Variants in DDAH1 observed in about 807,000 individuals in gnomAD.
The protein encoded by DDAH1 is N(G),N(G)-dimethylarginine dimethylaminohydrolase 1.
A neutral mutation model predicts 28.8 loss-of-function variants in DDAH1; 19 were observed. That is an observed-to-expected ratio of 0.66 (90% CI 0.46 to 0.97). The LOEUF (loss-of-function observed/expected upper bound fraction) is 0.97, where lower values mean the gene tolerates loss of function less well. DDAH1 is among the 50% of genes least tolerant of loss of function. DDAH1 has a pLI of 0.00. For missense variants in DDAH1, 326 were observed against 375.9 expected (o/e 0.87, Z 1.10); for synonymous variants, 153 against 154.4 (o/e 0.99, Z 0.07).
chr1:85,567,839 C>A (rs1659348626), intron 1 of DDAH1, among the ~76,000 whole-genome samples: 1 of 152,162 alleles, frequency 6.6e-6, no homozygotes, highest in African/African-American at 2.4e-5. Context: ...AAAAAATCAA[C>A]ACTATCAAAC....
chr1:85,360,057 G>C (rs1649705195), intron 1 of DDAH1, among the ~76,000 whole-genome samples: 1 of 152,196 alleles, frequency 6.6e-6, no homozygotes, highest in South Asian at 2.1e-4. Flanking sequence ...GGGCAAAGCA[G>C]GTAGTTCTTC....
chr1:85,491,237 T>C (rs1570604192), intron 2 of DDAH1, among the ~76,000 whole-genome samples: 1 of 151,898 alleles, frequency 6.6e-6, no homozygotes, highest in East Asian at 1.9e-4. Context: ...TCTGTAGAGA[T>C]GAGGTTTCAC....
intron 1 of DDAH1, among the ~76,000 whole-genome samples, chr1:85,406,457 T>C (rs1652407681): frequency 6.6e-6 from 1 of 152,208 alleles, no homozygotes; most frequent in Admixed American, 6.5e-5. Context: ...TGAGATTATC[T>C]ATAATGTGAA....
upstream of DDAH1, chr1:85,467,546 C>T (rs1469170372): frequency 6.6e-6 from 1 of 152,154 alleles, no homozygotes; most frequent in Admixed American, 6.5e-5. Context: ...CTTATTACTT[C>T]TAATTCGTGC....
At chr1:85,484,942 C>T (rs954950804) in intron 2 of DDAH1, among the ~76,000 whole-genome samples, 1 of 152,164 alleles carries the variant, frequency 6.6e-6, no homozygotes, top group Non-Finnish European at 1.5e-5. Flanking sequence ...CTATTTTGAA[C>T]ATTTCATCAA....
intron 1 of DDAH1, among the ~76,000 whole-genome samples, chr1:85,406,744 C>A (rs903762088): frequency 1.6e-4 from 25 of 152,070 alleles, no homozygotes; most frequent in African/African-American, 5.5e-4. Flanking sequence ...GTATACGAAG[C>A]ACTGTTATTA....
At chr1:85,438,142 T>A (rs1471830056) in intron 1 of DDAH1, among the ~76,000 whole-genome samples, 3 of 152,142 alleles carry the variant, frequency 2.0e-5, no homozygotes, top group African/African-American at 4.8e-5. Context: ...TGCACAGGGA[T>A]GCAAAAAGGG....
chr1:85,424,330 T>C (rs901153310), intron 1 of DDAH1, among the ~76,000 whole-genome samples: 5 of 152,108 alleles, frequency 3.3e-5, no homozygotes, highest in African/African-American at 4.8e-5. Context: ...TAAGGTAAAC[T>C]TGAGCCTGGT....
At chr1:85,477,916 C>G (rs1026541013) in intron 2 of DDAH1, among the ~76,000 whole-genome samples, 1 of 151,998 alleles carries the variant, frequency 6.6e-6, no homozygotes, top group Non-Finnish European at 1.5e-5. Flanking sequence ...CTTCTATTCT[C>G]TATTCAGTTT....
intron 1 of DDAH1, among the ~76,000 whole-genome samples, chr1:85,514,667 A>G (rs10873704): frequency 0.58 from 85,210 of 146,090 alleles, 24,326 homozygotes; most frequent in Middle Eastern, 0.78. Flanking sequence ...TTTGGGTATT[A>G]CTATGGACTA....
At chr1:85,528,029 C>A (rs1195616415) in intron 1 of DDAH1, among the ~76,000 whole-genome samples, 2 of 151,960 alleles carry the variant, frequency 1.3e-5, no homozygotes, top group East Asian at 1.9e-4. Context: ...TGTTTAAAAT[C>A]ATATTTATTG....
intron 1 of DDAH1, among the ~76,000 whole-genome samples, chr1:85,550,758 C>A (rs1658762274): frequency 6.6e-6 from 1 of 152,088 alleles, no homozygotes; most frequent in Non-Finnish European, 1.5e-5. Context: ...AACACACACA[C>A]ACACACACAC....
intron 1 of DDAH1, among the ~76,000 whole-genome samples, chr1:85,562,709 A>G (rs1659174194): frequency 6.6e-6 from 1 of 152,240 alleles, no homozygotes; most frequent in Non-Finnish European, 1.5e-5. Flanking sequence ...ACCAGAAGCT[A>G]GAAGAAATAA....
chr1:85,372,148 A>C (rs1650418022), intron 1 of DDAH1, among the ~76,000 whole-genome samples: 2 of 152,140 alleles, frequency 1.3e-5, no homozygotes, highest in Non-Finnish European at 2.9e-5. Flanking sequence ...TTCCAGGCTG[A>C]AGCATGGCAA....
At chr1:85,350,286 CA>C in intron 4 of DDAH1, 128 bp downstream of exon 4, 1 of 1,243,558 alleles carries the variant, frequency 8.0e-7, no homozygotes, top group Non-Finnish European at 1.1e-6. Context: ...GTGCACATCA[CA>C]GAAGCTCAAA....
At chr1:85,349,141 T>C (rs1649043297) in intron 4 of DDAH1, among the ~76,000 whole-genome samples, 1 of 152,186 alleles carries the variant, frequency 6.6e-6, no homozygotes, top group African/African-American at 2.4e-5. Context: ...GAAGTTGACA[T>C]GAACTTCCAG....
intron 2 of DDAH1, among the ~76,000 whole-genome samples, chr1:85,481,333 G>A (rs950350759): frequency 3.9e-5 from 6 of 151,950 alleles, no homozygotes; most frequent in African/African-American, 1.4e-4. Context: ...CCTGGCCTCA[G>A]GTGATCCGCC....
intron 1 of DDAH1, among the ~76,000 whole-genome samples, chr1:85,366,912 T>C (rs759569898): frequency 2.6e-5 from 4 of 152,194 alleles, no homozygotes; most frequent in Non-Finnish European, 5.9e-5. Context: ...TACTTGCCAG[T>C]AGTGAGATAA....
At chr1:85,372,916 T>G (rs774869490) in intron 1 of DDAH1, among the ~76,000 whole-genome samples, 2 of 152,104 alleles carry the variant, frequency 1.3e-5, no homozygotes, top group Non-Finnish European at 2.9e-5. Context: ...AACAGGAATG[T>G]GCGTGTTATG....
Sources: allele counts gnomAD v4.1 joint callset (sites outside exome capture counted in the v4.1 genomes callset), GRCh38; gene constraint gnomAD v4.1.1; transcripts MANE v1.5; gene names NCBI Gene and HGNC (gene_info 2026-07-23, HGNC 2026-07-21).